Variants in DOCK1 observed in about 807,000 individuals in gnomAD.
DOCK1 encodes the protein dedicator of cytokinesis 1.
In DOCK1, 138 loss-of-function variants were observed where a neutral mutation model predicts 262.7. The ratio of observed to expected loss-of-function variants is 0.53; its 90% CI spans 0.46 to 0.61. DOCK1 has a LOEUF of 0.61. Ranked by LOEUF, DOCK1 falls within the 20% of genes least tolerant of loss-of-function variation. The probability of loss-of-function intolerance (pLI) is 0.00; values close to 1 mark genes in which losing one functional copy is unlikely to be tolerated. For synonymous variants in DOCK1, 866 were observed against 867.4 expected (o/e 1.00, Z 0.03); for missense variants, 1,908 against 2,370.7 (o/e 0.80, Z 4.05).
intron 5 of DOCK1, among the ~76,000 whole-genome samples, chr10:126,989,051 T>A (rs1358436037): frequency 7.2e-6 from 1 of 138,224 alleles, no homozygotes; most frequent in Non-Finnish European, 1.5e-5. Context: ...CCAGCCTGAG[T>A]AACAGAGCGA....
intron 1 of DOCK1, among the ~76,000 whole-genome samples, chr10:126,918,979 C>A (rs575744134): frequency 4.7e-5 from 5 of 107,174 alleles, no homozygotes; most frequent in East Asian, 4.1e-4. Flanking sequence ...GAGGAGAAAG[C>A]CGAGAGGGAG....
intron 27 of DOCK1, among the ~76,000 whole-genome samples, chr10:127,232,877 TTGCGGATTTACCTCCC>T (rs2058902810): frequency 6.6e-6 from 1 of 152,178 alleles, no homozygotes; most frequent in African/African-American, 2.4e-5. Flanking sequence ...TAGTACTACT[TTGCGGATTTACCTCCC>T]ACTGCATGCT....
rs2041546846 is a variant in DOCK1 at position 127,012,613 on chromosome 10, G to T, written c.1201+239G>T. Among the ~76,000 whole-genome samples the T allele has an allele frequency of 6.6e-6, 1 of 152,180 alleles. No homozygotes were observed. ...CACTCCTGGATGGAGAGTGGGGTCA[G>T]ATTAGAAGTTTAGAGGAACATGCAG... is the stretch of plus-strand genomic sequence containing the variant. On this transcript the variant is annotated intron_variant, in intron 12 of 51. Coordinates refer to ENST00000623213, the MANE Select transcript of DOCK1 (RefSeq NM_001290223.2). This position sits in a 1 kb window ranked among gnomAD's most constrained non-coding sequence, Gnocchi z 4.0.
At chr10:127,317,783 C>T (rs1304088399) in intron 29 of DOCK1, among the ~76,000 whole-genome samples, 1 of 152,182 alleles carries the variant, frequency 6.6e-6, no homozygotes, top group Non-Finnish European at 1.5e-5. Flanking sequence ...GTGTGTGCCA[C>T]TCTCATGCTG....
At position 126,906,109 on chromosome 10, in the gene DOCK1, C is replaced by G. The variant is rs2030747165; in HGVS notation, c.46+546C>G. ...CCTGGGTGGCCAGCGCCCCTTGCCC[C>G]TCGGCGGTCTCGCTGGGGACCGTGT... On this transcript the variant is annotated intron_variant, in intron 1 of 51. Transcript: ENST00000623213. Among the ~76,000 whole-genome samples, 5 of 152,340 alleles carry G rather than the reference C, an allele frequency of 3.3e-5. No homozygotes were observed. In the South Asian group the frequency reaches 1.0e-3, roughly 32 times the overall value.
intron 23 of DOCK1, among the ~76,000 whole-genome samples, chr10:127,105,232 C>T (rs1037247074): frequency 6.6e-6 from 1 of 152,160 alleles, no homozygotes; most frequent in Admixed American, 6.5e-5. Flanking sequence ...CCCATTAAAC[C>T]TCTTTCCTTT....
intron 6 of DOCK1, among the ~76,000 whole-genome samples, chr10:126,992,744 A>ACACACACT (rs1565039663): frequency 1.9e-4 from 26 of 135,202 alleles, no homozygotes; most frequent in Middle Eastern, 3.8e-3. Flanking sequence ...ACAGACACAC[A>ACACACACT]CACACACACA....
At chr10:127,009,976 C>G (rs11017808) in intron 11 of DOCK1, among the ~76,000 whole-genome samples, 414 of 152,288 alleles carry the variant, frequency 2.7e-3, no homozygotes, top group Non-Finnish European at 4.4e-3. Flanking sequence ...GCTTTTTGTA[C>G]AGCTCAGTAG....
chr10:126,991,958 C>T (rs1273002851), intron 6 of DOCK1, among the ~76,000 whole-genome samples: 1 of 152,158 alleles, frequency 6.6e-6, no homozygotes, highest in Non-Finnish European at 1.5e-5. Flanking sequence ...GGGTTTGCTT[C>T]CAGCCATTCA....
chr10:127,325,999 G>C (rs746788585), intron 29 of DOCK1, among the ~76,000 whole-genome samples: 2 of 152,152 alleles, frequency 1.3e-5, no homozygotes, highest in African/African-American at 2.4e-5. Context: ...AGTGTGAAAA[G>C]TATGTCTTAA....
At chr10:126,910,509 G>C (rs909692961) in intron 1 of DOCK1, among the ~76,000 whole-genome samples, 1 of 151,462 alleles carries the variant, frequency 6.6e-6, no homozygotes, top group Non-Finnish European at 1.5e-5. Flanking sequence ...CTTCCTCTCT[G>C]TACTTTGTAT....
intron 1 of DOCK1, among the ~76,000 whole-genome samples, chr10:126,915,813 A>G (rs2032422041): frequency 6.6e-6 from 1 of 152,102 alleles, no homozygotes; most frequent in Admixed American, 6.5e-5. Context: ...CCAAAAACAC[A>G]TGCACACCCC....
intron 29 of DOCK1, among the ~76,000 whole-genome samples, chr10:127,307,494 A>G (rs2135473715): frequency 6.6e-6 from 1 of 152,264 alleles, no homozygotes; most frequent in South Asian, 2.1e-4. Context: ...CAATCAAGAA[A>G]CAAACGTGCT....
intron 16 of DOCK1, among the ~76,000 whole-genome samples, chr10:127,030,481 TC>T (rs2135518971): frequency 6.6e-6 from 1 of 152,346 alleles, no homozygotes; most frequent in Non-Finnish European, 1.5e-5. Context: ...AGCATTGACA[TC>T]TTGGCTTATG....
chr10:127,175,147 GCTACAGATGGACT>G lies in DOCK1; in HGVS notation c.2847+47386_2847+47398del. 7.3e-7 allele frequency: 1 copy of G among 1,374,158 alleles called. No individual in the cohort carries two copies. The highest frequency in any genetic ancestry group is 2.3e-5 in the East Asian group (1 of 43,478). The allele number at this position is 1,374,158 out of a possible 1,614,324, so 85.1% of individuals were successfully genotyped here. ...GTCTCATTACAGACTTGGGTTTGGG[GCTACAGATGGACT>G]CTGTGGTGATCAGCCTGCATAGCTT... On this transcript the variant is annotated intron_variant, in intron 27 of 51. Coordinates refer to ENST00000623213, the MANE Select transcript of DOCK1 (RefSeq NM_001290223.2). This position sits in a 1 kb window ranked among gnomAD's most constrained non-coding sequence, Gnocchi z 6.3.
At position 126,992,452 on chromosome 10, in the gene DOCK1, C is replaced by T. The variant is rs997583253; in HGVS notation, c.473+1849C>T. Among the ~76,000 whole-genome samples, 6 of 152,314 alleles carry T rather than the reference C, an allele frequency of 3.9e-5. No homozygotes were observed. The East Asian group carries it at 1.2e-3, about 29-fold the overall frequency. On this transcript the variant is annotated intron_variant, in intron 6 of 51. Transcript: ENST00000623213. Reference sequence around the variant, plus strand: ...TCCATAATTTCTCCAAAGCCCAGCGCTCTGCATATATCTTCCTAGTTCTTC... The same window carrying T: ...TCCATAATTTCTCCAAAGCCCAGCGTTCTGCATATATCTTCCTAGTTCTTC...
At chr10:127,265,533 A>G (rs952386014) in intron 29 of DOCK1, among the ~76,000 whole-genome samples, 3 of 152,102 alleles carry the variant, frequency 2.0e-5, no homozygotes, top group African/African-American at 7.2e-5. Flanking sequence ...TCCTCTCCCC[A>G]TGATTCATCC....
chr10:127,288,214 G>A (rs1180283664), intron 29 of DOCK1, among the ~76,000 whole-genome samples: 1 of 152,148 alleles, frequency 6.6e-6, no homozygotes, highest in Admixed American at 6.5e-5. Context: ...TCCACTAGGA[G>A]TCTTTTCAGG....
chr10:127,199,903 C>T (rs1287960085), intron 27 of DOCK1, among the ~76,000 whole-genome samples: 2 of 152,168 alleles, frequency 1.3e-5, no homozygotes, highest in African/African-American at 4.8e-5. Context: ...GTGTATCTGT[C>T]AGTGTGATTA....
Sources: allele counts gnomAD v4.1 joint callset (sites outside exome capture counted in the v4.1 genomes callset), GRCh38; gene constraint gnomAD v4.1.1; non-coding constraint Gnocchi (gnomAD v3.1); transcripts MANE v1.5; gene names NCBI Gene and HGNC (gene_info 2026-07-23, HGNC 2026-07-21).